The following TPST1 variants were observed in gnomAD, a reference collection of about 807,000 sequenced individuals.
TPST1 encodes tyrosylprotein sulfotransferase 1.
TPST1 carries 20 observed loss-of-function variants against 34.8 expected under a neutral mutation model. That is an observed-to-expected ratio of 0.57 (90% confidence interval 0.40 to 0.84). The LOEUF is 0.84. TPST1 is among the 40% of genes least tolerant of loss of function. TPST1 has a pLI of 0.00. For synonymous variants in TPST1, 152 were observed against 159.4 expected (o/e 0.95, Z 0.35); for missense variants, 353 against 455.5 (o/e 0.78, Z 2.05).
At chr7:66,314,235 A>G (rs143089673) in intron 3 of TPST1, among the ~76,000 whole-genome samples, 234 of 152,258 alleles carry the variant, frequency 1.5e-3, no homozygotes, top group African/African-American at 5.4e-3. Context: ...TATCCCTTTC[A>G]ATTAAAAAAC....
chr7:66,334,076 T>C (rs1792046142), intron 3 of TPST1, among the ~76,000 whole-genome samples: 1 of 152,096 alleles, frequency 6.6e-6, no homozygotes, highest in African/African-American at 2.4e-5. Context: ...CTACAAATGT[T>C]TGGGAATTAG....
At chr7:66,268,595 A>G (rs190981175) in intron 2 of TPST1, among the ~76,000 whole-genome samples, 53 of 152,356 alleles carry the variant, frequency 3.5e-4, no homozygotes, top group Non-Finnish European at 5.7e-4. Context: ...ACCAAAATCA[A>G]TTCTTTGGGA....
intron 2 of TPST1, among the ~76,000 whole-genome samples, chr7:66,246,443 A>C (rs977768060): frequency 1.3e-5 from 2 of 152,174 alleles, no homozygotes; most frequent in African/African-American, 4.8e-5. Flanking sequence ...GTGAAAGGAA[A>C]TCAGAGAGCT....
Position 66,240,916 on chromosome 7 carries a change from T to C in TPST1, c.491T>C (p.Leu164Pro), listed in dbSNP as rs144114678. The change falls in exon 2 of 6, where the codon CTG (leucine) becomes CCG (proline). Residue 164 changes from leucine to proline, a missense_variant. Physicochemically the swap from Leu to Pro is moderately conservative, Grantham distance 98. Coordinates refer to ENST00000304842, the MANE Select transcript of TPST1 (RefSeq NM_003596.4). ...TTATGTAATAAAGATCCTTTTGCCC[T>C]GAAATCTTTAACTTACCTTTCTAGG... ...PYLCNKDPFA[L>P]KSLTYLSRLF... The C allele has an allele frequency of 1.5e-5, 25 of 1,614,210 alleles. No individual in the cohort carries two copies. The highest frequency in any genetic ancestry group is 2.1e-5 in the Non-Finnish European group (25 of 1,180,034).
chr7:66,296,998 A>G (rs1791215182), intron 3 of TPST1, among the ~76,000 whole-genome samples: 1 of 152,168 alleles, frequency 6.6e-6, no homozygotes, highest in Admixed American at 6.5e-5. Context: ...CCACCTCAGA[A>G]ATACAGACAC....
chr7:66,237,519 T>C lies in TPST1; in HGVS notation c.-101-2806T>C, dbSNP rs192036415. Among the ~76,000 whole-genome samples the C allele has an allele frequency of 3.9e-5, 6 of 152,274 alleles. No individual in the cohort carries two copies. The East Asian group carries it at 1.2e-3, about 29-fold the overall frequency. Reference sequence around the variant, plus strand: ...CTCAGAATGTATTTTTTAGTGTAGTTAGTCATTTCCCCAGGTATATTTACT... The same window carrying C: ...CTCAGAATGTATTTTTTAGTGTAGTCAGTCATTTCCCCAGGTATATTTACT... On this transcript the variant is annotated intron_variant, in intron 1 of 5. Transcript: ENST00000304842.
At chr7:66,323,922 A>C (rs117232843) in intron 3 of TPST1, among the ~76,000 whole-genome samples, 1 of 152,372 alleles carries the variant, frequency 6.6e-6, no homozygotes, top group Non-Finnish European at 1.5e-5. Context: ...CAAAGCAGGG[A>C]TACAGATATT....
rs976293502 is a variant in TPST1 at position 66,271,298 on chromosome 7, C to T, written c.846-15213C>T. 3.3e-5 allele frequency among the ~76,000 whole-genome samples: 5 copies of T among 152,254 alleles called. No homozygotes were observed. In the South Asian group the frequency reaches 8.3e-4, roughly 25 times the overall value. On this transcript the variant is annotated intron_variant, in intron 2 of 5. Transcript: ENST00000304842. ...ACAAGATAGTACATGCTCAGCTGAG[C>T]TTAGTGATCAGCTGGGACTACAGGT...
upstream of TPST1, among the ~76,000 whole-genome samples, chr7:66,203,195 A>G (rs547503868): frequency 1.3e-5 from 2 of 152,036 alleles, no homozygotes; most frequent in East Asian, 1.9e-4. Context: ...ACACACACAC[A>G]TATACACACA....
intron 2 of TPST1, among the ~76,000 whole-genome samples, chr7:66,257,516 T>A (rs1790403786): frequency 6.6e-6 from 1 of 152,240 alleles, no homozygotes; most frequent in African/African-American, 2.4e-5. Flanking sequence ...TGTGTAGTTT[T>A]TTATTAGTCT....
intron 1 of TPST1, among the ~76,000 whole-genome samples, chr7:66,227,233 A>G (rs540486792): frequency 1.3e-5 from 2 of 151,636 alleles, no homozygotes; most frequent in Non-Finnish European, 2.9e-5. Flanking sequence ...GGGTTTCACC[A>G]TCTTGGTCAG....
chr7:66,220,557 A>G (rs1194816568), intron 1 of TPST1, among the ~76,000 whole-genome samples: 2 of 152,002 alleles, frequency 1.3e-5, no homozygotes. Context: ...GGAATGTTGA[A>G]GGATGAGTGA....
chr7:66,247,975 T>C (rs1790185643), intron 2 of TPST1, among the ~76,000 whole-genome samples: 1 of 152,232 alleles, frequency 6.6e-6, no homozygotes, highest in African/African-American at 2.4e-5. Context: ...ACATGGTGTT[T>C]GTTTCCCATA....
At chr7:66,227,693 C>G (rs1239694643) in intron 1 of TPST1, among the ~76,000 whole-genome samples, 1 of 150,832 alleles carries the variant, frequency 6.6e-6, no homozygotes, top group Non-Finnish European at 1.5e-5. Context: ...GAGAAGTAGT[C>G]TGATTCTGAC....
chr7:66,254,311 A>T (rs921730190), intron 2 of TPST1, among the ~76,000 whole-genome samples: 1 of 152,216 alleles, frequency 6.6e-6, no homozygotes, highest in Non-Finnish European at 1.5e-5. Context: ...AATGTTCTTC[A>T]TAAAAGTATT....
intron 2 of TPST1, 43 bp downstream of exon 2, chr7:66,241,313 T>C (rs1407496864): frequency 1.8e-5 from 28 of 1,557,728 alleles, no homozygotes; most frequent in Non-Finnish European, 2.4e-5. Context: ...TATATTTAGC[T>C]AATAATGATC....
chr7:66,206,015 C>G (rs1268056082), intron 1 of TPST1: 1 of 152,692 alleles, frequency 6.5e-6, no homozygotes, highest in Non-Finnish European at 1.5e-5. Context: ...TTTCCCAACT[C>G]GCCTCTTCTC....
chr7:66,318,523 G>A (rs1791682916), intron 3 of TPST1, among the ~76,000 whole-genome samples: 1 of 151,108 alleles, frequency 6.6e-6, no homozygotes, highest in African/African-American at 2.4e-5. Flanking sequence ...CTGGAGTGCA[G>A]TGGCACGATC....
intron 3 of TPST1, among the ~76,000 whole-genome samples, 189 bp from the exon 4 acceptor site, chr7:66,352,316 G>GA (rs749783566): frequency 2.9e-4 from 44 of 152,328 alleles, no homozygotes; most frequent in Non-Finnish European, 5.3e-4. Context: ...GAGCAGGAGG[G>GA]AATTACAGTG....
Sources: gnomAD v4.1 joint callset for allele counts (sites outside exome capture counted in the v4.1 genomes callset) on GRCh38, gnomAD v4.1.1 for gene constraint, MANE v1.5 for transcripts, NCBI Gene and HGNC (gene_info 2026-07-23, HGNC 2026-07-21) for gene names.